Variants in DNAAF9 observed in about 807,000 individuals in gnomAD.
The protein encoded by DNAAF9 is shulin.
Under a neutral mutation model 167.0 loss-of-function variants are expected in DNAAF9, and 90 were observed. The ratio of observed to expected loss-of-function variants is 0.54; its 90% CI spans 0.45 to 0.64. The LOEUF (loss-of-function observed/expected upper bound fraction) is 0.64, where lower values mean the gene tolerates loss of function less well. Ranked by LOEUF, DNAAF9 falls within the 30% of genes least tolerant of loss-of-function variation. The probability of loss-of-function intolerance (pLI) is 0.00; values close to 1 mark genes in which losing one functional copy is unlikely to be tolerated. For synonymous variants in DNAAF9, 491 were observed against 508.8 expected (o/e 0.96, Z 0.47); for missense variants, 1,315 against 1,442.2 (o/e 0.91, Z 1.43).
chr20:3,302,546 A>G (rs1008555612), intron 21 of DNAAF9, among the ~76,000 whole-genome samples: 2 of 152,200 alleles, frequency 1.3e-5, no homozygotes, highest in African/African-American at 4.8e-5. Context: ...GGGTTTTTGC[A>G]TTACTAATTA....
At chr20:3,329,855 T>C (rs1270260512) in intron 12 of DNAAF9, among the ~76,000 whole-genome samples, 2 of 152,228 alleles carry the variant, frequency 1.3e-5, no homozygotes, top group Non-Finnish European at 2.9e-5. Context: ...GTCTTTGGTT[T>C]CCTGCTGTAT....
At chr20:3,291,350 T>G (rs917953084) in intron 25 of DNAAF9, among the ~76,000 whole-genome samples, 59 of 150,460 alleles carry the variant, frequency 3.9e-4, no homozygotes, top group Non-Finnish European at 8.4e-4. Context: ...TTTTTGTTTT[T>G]TTTTTTTTTT....
chr20:3,404,204 G>C (rs935172888), intron 1 of DNAAF9, among the ~76,000 whole-genome samples: 2 of 152,006 alleles, frequency 1.3e-5, no homozygotes, highest in African/African-American at 4.8e-5. Context: ...TAATTTTTTT[G>C]TGTGTATTTT....
rs74337370 is a variant in DNAAF9, at chr20:3,264,362, T to C, written c.2873+76A>G. On this transcript the variant is annotated intron_variant, in intron 31 of 36. Transcript: ENST00000252032. ...ACATCTGGTATTTTCACCTTCTCTC[T>C]TTTTTTTTTTCTGTAAATAAATAAA... 3,272 of 397,284 alleles carry C rather than the reference T, an allele frequency of 8.2e-3. 3 individuals carry two copies. Among genetic ancestry groups the C allele is most frequent in the Non-Finnish European group, 9.2e-3 (2,019 of 219,544 alleles). 24.6% of individuals were successfully genotyped at this position (397,284 alleles called of 1,614,324 possible).
intron 1 of DNAAF9, among the ~76,000 whole-genome samples, chr20:3,398,040 G>A (rs2083935026): frequency 6.6e-6 from 1 of 152,128 alleles, no homozygotes. Context: ...TCCCAAGCCA[G>A]TGTCCCATCA....
rs2070061396 is a variant in DNAAF9, at chr20:3,340,560, A to C, written c.925T>G (p.Ser309Ala). ...GTGCTTCGTACCAGATGTCCTTCAG[A>C]AGGGAAGTTAAAGTTGCCAGCATTC... The part of the protein sequence containing the change: ...NLNAGNFNFP[S>A]EGHLVRSTGP... The change falls in exon 10 of 37, where the codon TCT becomes GCT. Residue 309 changes from serine (S) to alanine (A), a missense_variant. Coordinates refer to ENST00000252032, the MANE Select transcript of DNAAF9 (RefSeq NM_001009984.3). 2 of 1,613,404 alleles carry C rather than the reference A, an allele frequency of 1.2e-6. No individual in the cohort carries two copies. The highest frequency in any genetic ancestry group is 1.7e-6 in the Non-Finnish European group (2 of 1,179,830).
chr20:3,391,648 T>C (rs1375657583), intron 1 of DNAAF9, among the ~76,000 whole-genome samples: 23 of 150,276 alleles, frequency 1.5e-4, no homozygotes, highest in Non-Finnish European at 3.1e-4. Flanking sequence ...CAGCGCGATC[T>C]TGGCTCACTG....
intron 1 of DNAAF9, among the ~76,000 whole-genome samples, chr20:3,396,221 C>T (rs1479638306): frequency 5.9e-5 from 9 of 152,276 alleles, no homozygotes; most frequent in South Asian, 2.1e-4. Flanking sequence ...ATACAGAGTC[C>T]GTTACATTTT....
chr20:3,334,383 A>G (rs2069897485), intron 10 of DNAAF9, among the ~76,000 whole-genome samples: 1 of 152,218 alleles, frequency 6.6e-6, no homozygotes, highest in African/African-American at 2.4e-5. Flanking sequence ...CACTCAGTAC[A>G]GACATCAGAA....
chr20:3,286,634 G>A (rs1162002597), intron 27 of DNAAF9, among the ~76,000 whole-genome samples: 1 of 152,146 alleles, frequency 6.6e-6, no homozygotes, highest in African/African-American at 2.4e-5. Context: ...AAGGTAAGCT[G>A]GAGGCAAGGT....
intron 1 of DNAAF9, among the ~76,000 whole-genome samples, chr20:3,387,466 C>T (rs1417532945): frequency 1.3e-5 from 2 of 152,008 alleles, no homozygotes; most frequent in African/African-American, 4.8e-5. Flanking sequence ...TGGACCTCAC[C>T]GTACACCATA....
intron 9 of DNAAF9, among the ~76,000 whole-genome samples, chr20:3,341,167 T>C (rs926485686): frequency 2.6e-5 from 4 of 151,948 alleles, no homozygotes; most frequent in African/African-American, 9.7e-5. Context: ...GAACTTTTCC[T>C]CTCCCCTACT....
At chr20:3,280,978 A>G (rs1025182583) in intron 28 of DNAAF9, among the ~76,000 whole-genome samples, 4 of 151,904 alleles carry the variant, frequency 2.6e-5, no homozygotes, top group African/African-American at 9.7e-5. Flanking sequence ...CCTTATTTCT[A>G]TATTTAAATA....
intron 27 of DNAAF9, 86 bp downstream of exon 27, chr20:3,287,546 G>T: frequency 7.8e-7 from 1 of 1,286,960 alleles, no homozygotes; most frequent in South Asian, 1.3e-5. Flanking sequence ...TCTGTTCTGT[G>T]CTCCAGGTTT....
Position 3,384,491 on chromosome 20 carries a change from C to A in DNAAF9, c.84-1985G>T, listed in dbSNP as rs2123253896. The A allele has an allele frequency of 2.0e-5, 3 of 151,394 alleles. No individual in the cohort carries two copies. In the Middle Eastern group the frequency reaches 0.01, roughly 522 times the overall value. 9.4% of individuals were successfully genotyped at this position (151,394 alleles called of 1,614,324 possible). A position where few individuals can be genotyped will look rare whatever the true frequency, so the allele number is the denominator to read the frequency against. On this transcript the variant is annotated intron_variant, in intron 1 of 36. Transcript: ENST00000252032. Reference sequence around the variant, plus strand: ...AAAAAGTATCAAAAAGAGAAAGAAACCTACAAACCAAAATCCATCATGAAT... The same window carrying A: ...AAAAAGTATCAAAAAGAGAAAGAAAACTACAAACCAAAATCCATCATGAAT...
rs60432457 is a variant in DNAAF9 at position 3,400,940 on chromosome 20, C to T, written c.83+6535G>A. Among the ~76,000 whole-genome samples the T allele has an allele frequency of 9.0e-3, 1,374 of 152,314 alleles. 20 individuals are homozygous for T. The highest frequency in any genetic ancestry group is 0.032 in the African/African-American group (1,319 of 41,558). Reference sequence around the variant, plus strand: ...CCTTTTTACTTCTACAGGCACCACACCAAGCCTTCCTGGCCAGCATCCAAG... The same window carrying T: ...CCTTTTTACTTCTACAGGCACCACATCAAGCCTTCCTGGCCAGCATCCAAG... On this transcript the variant is annotated intron_variant, in intron 1 of 36. Coordinates refer to ENST00000252032, the MANE Select transcript of DNAAF9 (RefSeq NM_001009984.3).
chr20:3,294,351 A>G, intron 24 of DNAAF9, 95 bp from the exon 25 acceptor site: 1 of 895,862 alleles, frequency 1.1e-6, no homozygotes, highest in Non-Finnish European at 1.8e-6. Flanking sequence ...TTGCTGAAAA[A>G]TAAACCTTGG....
At chr20:3,332,457 TC>T (rs1434024418) in intron 10 of DNAAF9, 96 bp from the exon 11 acceptor site, 10 of 639,132 alleles carry the variant, frequency 1.6e-5, no homozygotes, top group South Asian at 3.7e-5. Flanking sequence ...AAATAAATTT[TC>T]TTTTTTTTTT....
At position 3,249,541 on chromosome 20, in the gene DNAAF9, TAA is replaced by T. The variant is rs2068168884; in HGVS notation, c.*3029_*3030del. Reference sequence around the variant, plus strand: ...GTTTGTAAATACGAGTTTTAAAATTTAAGTTACAAATATTAAAGCACTGAAAA... The same window carrying T: ...GTTTGTAAATACGAGTTTTAAAATTTGTTACAAATATTAAAGCACTGAAAA... On this transcript the variant is annotated 3_prime_UTR_variant, in exon 37 of 37. Transcript: ENST00000252032. 3.3e-5 allele frequency: 5 copies of T among 152,354 alleles called. No individual in the cohort carries two copies. The South Asian group carries it at 8.3e-4, about 25-fold the overall frequency. The allele number at this position is 152,354 out of a possible 1,614,324, so 9.4% of individuals were successfully genotyped here.
Sources: allele counts gnomAD v4.1 joint callset (sites outside exome capture counted in the v4.1 genomes callset), GRCh38; gene constraint gnomAD v4.1.1; transcripts MANE v1.5; gene names NCBI Gene and HGNC (gene_info 2026-07-23, HGNC 2026-07-21).